The following PTGER4 variants were observed in gnomAD, a reference collection of about 807,000 sequenced individuals.
The protein encoded by PTGER4 is prostaglandin E receptor 4.
A neutral mutation model predicts 33.2 loss-of-function variants in PTGER4; 11 were observed. The observed-to-expected ratio is 0.33, with a 90% CI of 0.21 to 0.55. PTGER4 has a LOEUF of 0.55. Ranked by LOEUF, PTGER4 falls within the 20% of genes least tolerant of loss-of-function variation. The probability of loss-of-function intolerance (pLI) is 0.92; values close to 1 mark genes in which losing one functional copy is unlikely to be tolerated. For synonymous variants in PTGER4, 275 were observed against 281.5 expected, an observed-to-expected ratio of 0.98 and a Z score of 0.23; for missense variants, 481 against 650.2, an observed-to-expected ratio of 0.74 and a Z score of 2.83.
the PTGER4 span, among the ~76,000 whole-genome samples, chr5:40,735,279 T>C: frequency 6.6e-6 from 1 of 152,060 alleles, no homozygotes; most frequent in Admixed American, 6.6e-5. Context: ...CCCAGAAGAA[T>C]AGACAGTAAG....
the PTGER4 span, among the ~76,000 whole-genome samples, chr5:40,722,724 G>A: frequency 1.6e-4 from 25 of 151,590 alleles, no homozygotes; most frequent in Admixed American, 1.0e-3. Context: ...CGCCCCGTCC[G>A]GGAGGTGGCG....
the PTGER4 span, among the ~76,000 whole-genome samples, chr5:40,720,730 G>A: frequency 6.6e-6 from 1 of 152,090 alleles, no homozygotes; most frequent in Non-Finnish European, 1.5e-5. Flanking sequence ...CTGCACCCTG[G>A]ATGAATAAGA....
downstream of PTGER4, among the ~76,000 whole-genome samples, chr5:40,698,692 A>C (rs1339692299): frequency 2.6e-5 from 4 of 152,198 alleles, no homozygotes; most frequent in African/African-American, 9.7e-5. Context: ...ATGATACGAC[A>C]AAACAAAACA....
downstream of PTGER4, among the ~76,000 whole-genome samples, chr5:40,698,528 C>T (rs188945504): frequency 2.0e-5 from 3 of 152,130 alleles, no homozygotes; most frequent in Admixed American, 2.0e-4. Context: ...TATGAAAATA[C>T]CAAGTATGCT....
chr5:40,689,078 C>T (rs1267412517), intron 2 of PTGER4, among the ~76,000 whole-genome samples: 1 of 152,120 alleles, frequency 6.6e-6, no homozygotes. Context: ...CCCATCAGAA[C>T]TGGAACAGTA....
chr5:40,706,482 A>G, the PTGER4 span, among the ~76,000 whole-genome samples: 1 of 152,194 alleles, frequency 6.6e-6, no homozygotes, highest in Non-Finnish European at 1.5e-5. Context: ...CTAAAATAAA[A>G]GTTAAAAAGT....
chr5:40,707,040 G>A, the PTGER4 span, among the ~76,000 whole-genome samples: 15 of 152,180 alleles, frequency 9.9e-5, no homozygotes, highest in African/African-American at 2.7e-4. Context: ...CACTAAACAC[G>A]GAAAGGAACA....
At position 40,692,057 on chromosome 5, in the gene PTGER4, C is replaced by G; in HGVS notation, c.1146C>G (p.Ser382=). 1 of 1,614,248 alleles carries G rather than the reference C, an allele frequency of 6.2e-7. No homozygotes were observed. The highest frequency in any genetic ancestry group is 8.5e-7 in the Non-Finnish European group (1 of 1,180,046). ...AMSGHSRSFI[S]RELKEISSTS... ...CAGGCCACTCTCGCTCCTTCATCTC[C>G]CGGGAGCTGAAGGAGATCAGCAGTA... is the stretch of plus-strand genomic sequence containing the variant. Residue 382 remains serine (S), a synonymous_variant, in exon 3 of 3, where the codon TCC becomes TCG. Coordinates refer to ENST00000302472, the MANE Select transcript of PTGER4 (RefSeq NM_000958.3).
chr5:40,690,034 A>G (rs1179897383), intron 2 of PTGER4, among the ~76,000 whole-genome samples: 1 of 152,190 alleles, frequency 6.6e-6, no homozygotes, highest in Non-Finnish European at 1.5e-5. Context: ...AAAAAAAATC[A>G]TAATACTTTA....
downstream of PTGER4, among the ~76,000 whole-genome samples, chr5:40,696,244 G>A (rs889280989): frequency 2.0e-5 from 3 of 152,092 alleles, no homozygotes; most frequent in Non-Finnish European, 2.9e-5. Context: ...CTATCCATAT[G>A]GCCTCAAATG....
chr5:40,704,250 A>G, the PTGER4 span, among the ~76,000 whole-genome samples: 2 of 152,206 alleles, frequency 1.3e-5, no homozygotes, highest in African/African-American at 4.8e-5. Context: ...GATTATCTCA[A>G]TAAATGTAGA....
At chr5:40,730,341 T>C in the PTGER4 span, 1 of 1,612,854 alleles carries the variant, frequency 6.2e-7, no homozygotes. Context: ...TGCCTCCCGA[T>C]ATCTGTGGTT....
rs759433328 is a variant in PTGER4 at position 40,692,291 on chromosome 5, C to T, written c.1380C>T (p.Ser460=). The T allele has an allele frequency of 2.2e-5, 36 of 1,613,418 alleles. No individual in the cohort carries two copies. Among genetic ancestry groups the T allele is most frequent in the South Asian group, 7.7e-5 (7 of 91,090 alleles). The stretch of plus-strand genomic sequence containing the variant: ...TACTGGTGGATGAGGCTGGTGGGAG[C>T]GGCAGGGCTGGGCCTGCCCCTAAGG... The part of the protein sequence containing the change: ...SVLLVDEAGG[S]GRAGPAPKGS... The change falls in exon 3 of 3, where the codon AGC becomes AGT. Residue 460 remains serine, a synonymous_variant. Coordinates refer to ENST00000302472, the MANE Select transcript of PTGER4 (RefSeq NM_000958.3).
At chr5:40,736,600 C>A in the PTGER4 span, among the ~76,000 whole-genome samples, 10 of 151,934 alleles carry the variant, frequency 6.6e-5, no homozygotes, top group African/African-American at 2.4e-4. Context: ...AAATAATTTA[C>A]AAAAATATAT....
the PTGER4 span, among the ~76,000 whole-genome samples, chr5:40,703,897 C>T: frequency 5.6e-3 from 447 of 80,522 alleles, 3 homozygotes; most frequent in African/African-American, 0.021. Context: ...AGCAAGACGC[C>T]GTCTCAAAAA....
rs541582513 is a variant in PTGER4, at chr5:40,691,312, G to C, written c.868-467G>C. Among the ~76,000 whole-genome samples the C allele has an allele frequency of 6.6e-6, 1 of 152,358 alleles. No individual in the cohort carries two copies. Among genetic ancestry groups the C allele is most frequent in the Admixed American group, 6.5e-5 (1 of 15,312 alleles). Reference sequence around the variant, plus strand: ...TTCTCCTGCCTCAGCCTCCCGAGTAGCTGGGACTACAGGCGCATGCCACCA... The same window carrying C: ...TTCTCCTGCCTCAGCCTCCCGAGTACCTGGGACTACAGGCGCATGCCACCA... On this transcript the variant is annotated intron_variant, in intron 2 of 2. Coordinates refer to ENST00000302472, the MANE Select transcript of PTGER4 (RefSeq NM_000958.3). The surrounding 1 kb of genome is among the most constrained non-coding windows in gnomAD (Gnocchi z 4.2).
chr5:40,734,329 C>CAG, the PTGER4 span, among the ~76,000 whole-genome samples: 1 of 152,170 alleles, frequency 6.6e-6, no homozygotes, highest in Non-Finnish European at 1.5e-5. Context: ...ACAGACTGAA[C>CAG]AGACACAGCC....
the PTGER4 span, among the ~76,000 whole-genome samples, chr5:40,699,203 A>G: frequency 1.3e-5 from 2 of 152,028 alleles, no homozygotes. Flanking sequence ...GGAAAAAAAA[A>G]AAAGAGGAAT....
chr5:40,687,387 A>T (rs1741352359), intron 2 of PTGER4, among the ~76,000 whole-genome samples: 1 of 151,946 alleles, frequency 6.6e-6, no homozygotes, highest in Non-Finnish European at 1.5e-5. Context: ...TCAGCAACAC[A>T]CTCTTCCAAC....
Sources: gnomAD v4.1 joint callset for allele counts (sites outside exome capture counted in the v4.1 genomes callset) on GRCh38, gnomAD v4.1.1 for gene constraint, Gnocchi (gnomAD v3.1) non-coding constraint, MANE v1.5 for transcripts, NCBI Gene and HGNC (gene_info 2026-07-23, HGNC 2026-07-21) for gene names.